The following CGAS variants were observed in gnomAD, a reference collection of about 807,000 sequenced individuals.
CGAS encodes the protein 2'3'-cGAMP synthase.
Under a neutral mutation model 34.0 loss-of-function variants are expected in CGAS, and 31 were observed. The observed-to-expected ratio is 0.91, with a 90% confidence interval of 0.69 to 1.23. The LOEUF is 1.23. Ranked by LOEUF, CGAS falls within the 50% of genes most tolerant of loss-of-function variation. The pLI, the probability that CGAS is intolerant of heterozygous loss-of-function variation, is 0.00. For missense variants in CGAS, 597 were observed against 657.6 expected (o/e 0.91, Z 1.01); for synonymous variants, 266 against 260.0 (o/e 1.02, Z -0.22).
intron 3 of CGAS, among the ~76,000 whole-genome samples, chr6:73,429,892 C>T (rs1355522821): frequency 6.6e-6 from 1 of 151,950 alleles, no homozygotes; most frequent in Non-Finnish European, 1.5e-5. Context: ...CACCCTGTTA[C>T]TTCGTGGTTT....
rs574944737 is a variant in CGAS, at chr6:73,424,412, C to A, written c.*815G>T. On this transcript the variant is annotated 3_prime_UTR_variant, in exon 5 of 5. Transcript: ENST00000370315. The stretch of plus-strand genomic sequence containing the variant: ...TCATGCCACTGGACTCCAGCCTGGG[C>A]GACAGAGCGAGACTCCATCTAAAAA... The A allele has an allele frequency of 3.4e-5, 5 of 147,432 alleles. No individual in the cohort carries two copies. In the Admixed American group the frequency reaches 3.5e-4, roughly 10 times the overall value. 9.1% of individuals were successfully genotyped at this position (147,432 alleles called of 1,614,324 possible). A position where few individuals can be genotyped will look rare whatever the true frequency, so the allele number is the denominator to read the frequency against.
rs769481836 is a variant in CGAS, at chr6:73,452,082, G to A, written c.100C>T (p.Pro34Ser). 6.4e-7 allele frequency: 1 copy of A among 1,573,524 alleles called. No homozygotes were observed. The highest frequency in any genetic ancestry group is 1.2e-5 in the South Asian group (1 of 86,616). The change falls in exon 1 of 5, where the codon CCC becomes TCC. Residue 34 changes from proline to serine, a missense_variant. Pro to Ser is a moderately conservative substitution (Grantham distance 74). Around this residue, in one of 3 missense-constraint regions of CGAS, gnomAD observed 321 missense variants for 314.3 expected, o/e 1.02. Transcript: ENST00000370315. The stretch of plus-strand genomic sequence containing the variant: ...TCGGGGGCAGCCGGAGACTCGGTGG[G>A]ATCCATCGGGGCGCCCCTGGCATTC... ...ARNARGAPMD[P>S]TESPAAPEAA... is the part of the protein sequence containing the mutation.
chr6:73,451,687 G>C lies in CGAS; in HGVS notation c.495C>G (p.Leu165=), dbSNP rs1220480298. 3 of 1,613,790 alleles carry C rather than the reference G, an allele frequency of 1.9e-6. No individual in the cohort carries two copies. The highest frequency in any genetic ancestry group is 2.5e-6 in the Non-Finnish European group (3 of 1,180,020). ...GCTTCAACTTCTCCAAAACCGCCCG[G>C]AGCTTCGAGGCCCCAGGCGCCGCAT... ...RRDAAPGASK[L]RAVLEKLKLS... The change falls in exon 1 of 5, where the codon CTC becomes CTG. Residue 165 remains leucine, a synonymous_variant. Coordinates refer to ENST00000370315, the MANE Select transcript of CGAS (RefSeq NM_138441.3).
chr6:73,435,241 C>T (rs960697806), intron 3 of CGAS, among the ~76,000 whole-genome samples: 1 of 152,070 alleles, frequency 6.6e-6, no homozygotes, highest in Non-Finnish European at 1.5e-5. Context: ...TCTGTAAATA[C>T]AAAACTATGC....
At chr6:73,429,935 G>C (rs529806644) in intron 3 of CGAS, among the ~76,000 whole-genome samples, 1 of 151,934 alleles carries the variant, frequency 6.6e-6, no homozygotes, top group Non-Finnish European at 1.5e-5. Flanking sequence ...TTTATAATCT[G>C]AATGATTTTT....
intron 2 of CGAS, 115 bp downstream of exon 2, chr6:73,445,413 T>A: frequency 1.7e-6 from 1 of 592,528 alleles, no homozygotes; most frequent in Non-Finnish European, 2.9e-6. Flanking sequence ...TTTCTTGACC[T>A]CTCTACTGCA....
chr6:73,451,917 G>T lies in CGAS; in HGVS notation c.265C>A (p.Gln89Lys). ...GTGGCGTCAGACGGCTGCGTGTCCT[G>T]GGCGCGCTGAGGGGCCTTTTTGGCG... ...ARAKKAPQRAQDTQPSDATSA... is the reference protein window; with the variant it reads ...ARAKKAPQRAKDTQPSDATSA... Residue 89 changes from glutamine (Q) to lysine (K), a missense_variant, in exon 1 of 5, where the codon CAG becomes AAG. This residue lies in a region of CGAS where 321 missense variants were observed against 314.3 expected (regional missense o/e 1.02). Transcript: ENST00000370315. The T allele has an allele frequency of 6.6e-7, 1 of 1,515,772 alleles. No individual in the cohort carries two copies. The highest frequency in any genetic ancestry group is 1.2e-5 in the South Asian group (1 of 81,130). 93.9% of individuals were successfully genotyped at this position (1,515,772 alleles called of 1,614,324 possible). A position where few individuals can be genotyped will look rare whatever the true frequency, so the allele number is the denominator to read the frequency against.
At chr6:73,447,002 G>T (rs990103892) in intron 1 of CGAS, among the ~76,000 whole-genome samples, 11 of 152,168 alleles carry the variant, frequency 7.2e-5, no homozygotes, top group African/African-American at 2.2e-4. Context: ...GTTGCAGTGA[G>T]CCGAGATGGT....
intron 2 of CGAS, among the ~76,000 whole-genome samples, chr6:73,443,718 G>A (rs919458758): frequency 4.6e-5 from 7 of 152,112 alleles, no homozygotes; most frequent in Non-Finnish European, 2.9e-5. Flanking sequence ...TTGTACGTCT[G>A]TGCTTGCAAG....
chr6:73,429,290 A>T (rs954379054), intron 3 of CGAS, among the ~76,000 whole-genome samples: 1 of 152,114 alleles, frequency 6.6e-6, no homozygotes, highest in African/African-American at 2.4e-5. Context: ...AAAAATAAGT[A>T]CACTGAGACA....
Position 73,451,748 on chromosome 6 carries a change from C to T in CGAS, c.434G>A (p.Gly145Asp), listed in dbSNP as rs1330820242. 2 of 1,610,366 alleles carry T rather than the reference C, an allele frequency of 1.2e-6. No homozygotes were observed. The highest frequency in any genetic ancestry group is 1.7e-6 in the Non-Finnish European group (2 of 1,178,746). ...PPGPWDVPSP[G>D]LPVSAPILVR... ...GAGAATGGGGGCCGAGACCGGCAGG[C>T]CGGGGCTGGGCACGTCCCAGGGCCC... Residue 145 changes from glycine to aspartate, a missense_variant, in exon 1 of 5, where the codon GGC (glycine) becomes GAC (aspartate). Gly to Asp is a moderately conservative substitution (Grantham distance 94). This residue lies in a region of CGAS where 321 missense variants were observed against 314.3 expected (regional missense o/e 1.02). Coordinates refer to ENST00000370315, the MANE Select transcript of CGAS (RefSeq NM_138441.3).
At chr6:73,435,223 A>G (rs978348220) in intron 3 of CGAS, among the ~76,000 whole-genome samples, 5 of 152,146 alleles carry the variant, frequency 3.3e-5, no homozygotes, top group African/African-American at 1.2e-4. Context: ...TACTATCTTC[A>G]CAATTTTTCT....
chr6:73,448,629 G>A (rs1389187983), intron 1 of CGAS, among the ~76,000 whole-genome samples: 1 of 152,034 alleles, frequency 6.6e-6, no homozygotes, highest in Non-Finnish European at 1.5e-5. Flanking sequence ...GGGACTACCT[G>A]TGTGTGCCAC....
At chr6:73,429,947 A>C (rs547829413) in intron 3 of CGAS, among the ~76,000 whole-genome samples, 27 of 152,258 alleles carry the variant, frequency 1.8e-4, no homozygotes, top group Admixed American at 1.6e-3. Flanking sequence ...ATGATTTTTC[A>C]GAAAAATCAA....
intron 3 of CGAS, among the ~76,000 whole-genome samples, chr6:73,430,627 C>T (rs900098631): frequency 4.7e-5 from 7 of 148,412 alleles, no homozygotes; most frequent in Non-Finnish European, 7.4e-5. Context: ...GACAACAGAG[C>T]GAGGCTCCAT....
chr6:73,451,713 C>T lies in CGAS; in HGVS notation c.469G>A (p.Asp157Asn), dbSNP rs1770569368. The T allele has an allele frequency of 2.5e-6, 4 of 1,613,498 alleles. No homozygotes were observed. Among genetic ancestry groups the T allele is most frequent in the Admixed American group, 1.7e-5 (1 of 60,002 alleles). The stretch of plus-strand genomic sequence containing the variant: ...AGCTTCGAGGCCCCAGGCGCCGCAT[C>T]CCTCCGTACGAGAATGGGGGCCGAG... The part of the protein sequence containing the change: ...PVSAPILVRR[D>N]AAPGASKLRA... The change falls in exon 1 of 5, where the codon GAT becomes AAT. Residue 157 changes from aspartate (D) to asparagine (N), a missense_variant. Physicochemically the swap from Asp to Asn is conservative, Grantham distance 23. This residue lies in a region of CGAS where 321 missense variants were observed against 314.3 expected (regional missense o/e 1.02). Coordinates refer to ENST00000370315, the MANE Select transcript of CGAS (RefSeq NM_138441.3).
intron 4 of CGAS, 144 bp downstream of exon 4, chr6:73,428,565 T>C (rs1449168925): frequency 4.5e-6 from 3 of 659,916 alleles, no homozygotes; most frequent in East Asian, 2.8e-5. Flanking sequence ...TCTGGTTTCA[T>C]ACTCACACTC....
In CGAS at chr6:73,424,726, T is replaced by C. The variant is rs116000879; in HGVS notation, c.*501A>G. ...ACAAACTGAAAACTGAATAATTATTTACATTCATTTTAGTCAATTATTGCT... is the reference window on the plus strand; with the variant it reads ...ACAAACTGAAAACTGAATAATTATTCACATTCATTTTAGTCAATTATTGCT... On this transcript the variant is annotated 3_prime_UTR_variant, in exon 5 of 5. Transcript: ENST00000370315. 1 of 152,484 alleles carries C rather than the reference T, an allele frequency of 6.6e-6. No homozygotes were observed. The highest frequency in any genetic ancestry group is 2.4e-5 in the African/African-American group (1 of 41,576). 9.4% of individuals were successfully genotyped at this position (152,484 alleles called of 1,614,324 possible).
chr6:73,451,698 C>T lies in CGAS; in HGVS notation c.484G>A (p.Ala162Thr), dbSNP rs1378402145. ...ILVRRDAAPG[A>T]SKLRAVLEKL... ...TCCAAAACCGCCCGGAGCTTCGAGG[C>T]CCCAGGCGCCGCATCCCTCCGTACG... is the stretch of plus-strand genomic sequence containing the variant. The change falls in exon 1 of 5, where the codon GCC becomes ACC. Residue 162 changes from alanine (A) to threonine (T), a missense_variant. Physicochemically the swap from Ala to Thr is moderately conservative, Grantham distance 58. This residue lies in a region of CGAS where 321 missense variants were observed against 314.3 expected (regional missense o/e 1.02). Transcript: ENST00000370315. 1 of 1,613,672 alleles carries T rather than the reference C, an allele frequency of 6.2e-7. No homozygotes were observed. Among genetic ancestry groups the T allele is most frequent in the African/African-American group, 1.3e-5 (1 of 74,946 alleles).
Sources: gnomAD v4.1 joint callset for allele counts (sites outside exome capture counted in the v4.1 genomes callset) on GRCh38, gnomAD v4.1.1 for gene constraint, gnomAD v4.1.1 regional missense constraint, MANE v1.5 for transcripts, NCBI Gene and HGNC (gene_info 2026-07-23, HGNC 2026-07-21) for gene names.